The following VCPKMT variants were observed in gnomAD, a reference collection of about 807,000 sequenced individuals.
The protein encoded by VCPKMT is valosin containing protein lysine methyltransferase, also known as protein N-lysine methyltransferase METTL21D.
A neutral mutation model predicts 28.6 loss-of-function variants in VCPKMT; 32 were observed. The ratio of observed to expected loss-of-function variants is 1.12; its 90% CI spans 0.84 to 1.50. The LOEUF (loss-of-function observed/expected upper bound fraction) is 1.50. Among genes scored for constraint, VCPKMT ranks in the 40% most tolerant of loss-of-function variants. The pLI, the probability that VCPKMT is intolerant of heterozygous loss-of-function variation, is 0.00. For missense variants in VCPKMT, 366 were observed against 285.0 expected, an observed-to-expected ratio of 1.28 and a Z score of -2.05; for synonymous variants, 138 against 111.4, an observed-to-expected ratio of 1.24 and a Z score of -1.50.
intron 4 of VCPKMT, chr14:50,113,591 T>C (rs1882855708): frequency 1.6e-5 from 2 of 127,528 alleles, no homozygotes; most frequent in Admixed American, 1.8e-4. Context: ...TTCTAACTAT[T>C]TCAGACAAAA....
intron 5 of VCPKMT, among the ~76,000 whole-genome samples, chr14:50,110,747 C>T (rs559447377): frequency 1.3e-5 from 2 of 152,290 alleles, no homozygotes; most frequent in Non-Finnish European, 2.9e-5. Flanking sequence ...GATGAACGTC[C>T]ATAGCAGCAT....
intron 5 of VCPKMT, 70 bp downstream of exon 5, chr14:50,112,545 C>G: frequency 1.0e-6 from 1 of 979,508 alleles, no homozygotes; most frequent in South Asian, 1.4e-5. Flanking sequence ...CCATACCACA[C>G]ATATGCCCTG....
chr14:50,114,145 G>T, intron 4 of VCPKMT, 140 bp downstream of exon 4: 1 of 740,356 alleles, frequency 1.4e-6, no homozygotes, highest in Non-Finnish European at 2.0e-6. Flanking sequence ...GTAGAATCAT[G>T]GGCTGTGAAG....
rs1241666481 is a variant in VCPKMT at position 50,109,001 on chromosome 14, T to G, written c.*698A>C. ...TCTCACTCCATGCTCAAATGAAAAA[T>G]CTGTAAAGATATCTTTTGTTCCTCC... is the stretch of plus-strand genomic sequence containing the variant. On this transcript the variant is annotated 3_prime_UTR_variant, in exon 6 of 6. Coordinates refer to ENST00000395860, the MANE Select transcript of VCPKMT (RefSeq NM_024558.3). 3.0e-6 allele frequency: 3 copies of G among 985,306 alleles called. No homozygotes were observed. The highest frequency in any genetic ancestry group is 1.2e-4 in the Admixed American group (2 of 16,256). 61.0% of individuals were successfully genotyped at this position (985,306 alleles called of 1,614,324 possible).
Position 50,109,696 on chromosome 14 carries a change from G to T in VCPKMT, c.*3C>A. The T allele has an allele frequency of 1.2e-6, 2 of 1,602,010 alleles. No individual in the cohort carries two copies. Among genetic ancestry groups the T allele is most frequent in the Non-Finnish European group, 8.5e-7 (1 of 1,174,620 alleles). ...AGAGCCTTGGGTAAGATGATTAAAG[G>T]CTTCACGATGGAAATTTCTATAACA... On this transcript the variant is annotated 3_prime_UTR_variant, in exon 6 of 6. Coordinates refer to ENST00000395860, the MANE Select transcript of VCPKMT (RefSeq NM_024558.3).
chr14:50,102,758 T>C, the VCPKMT span, among the ~76,000 whole-genome samples: 13 of 152,358 alleles, frequency 8.5e-5, no homozygotes, highest in African/African-American at 2.2e-4. Flanking sequence ...GGAAGAAATA[T>C]CCTTGTTTTC....
chr14:50,105,590 C>T (rs1242218811), downstream of VCPKMT, among the ~76,000 whole-genome samples: 1 of 152,170 alleles, frequency 6.6e-6, no homozygotes, highest in Non-Finnish European at 1.5e-5. Context: ...AAGATCACAC[C>T]ATTGCACTCC....
At chr14:50,111,881 C>T (rs749899911) in intron 5 of VCPKMT, 5 of 976,394 alleles carry the variant, frequency 5.1e-6, no homozygotes, top group Non-Finnish European at 4.9e-6. Flanking sequence ...AGAGTGAGAC[C>T]CTATTTCAAA....
intron 5 of VCPKMT, 74 bp downstream of exon 5, chr14:50,112,541 C>T (rs1224842704): frequency 6.4e-6 from 6 of 938,736 alleles, no homozygotes; most frequent in Non-Finnish European, 9.8e-6. Context: ...ACGCCCATAC[C>T]ACACATATGC....
intron 5 of VCPKMT, chr14:50,111,298 A>G (rs912056781): frequency 6.1e-6 from 6 of 985,110 alleles, no homozygotes; most frequent in African/African-American, 1.8e-5. Context: ...TTAAAGCACA[A>G]AACAGTTTTT....
chr14:50,111,035 G>T, intron 5 of VCPKMT: 2 of 440,588 alleles, frequency 4.5e-6, no homozygotes, highest in Non-Finnish European at 3.0e-6. Flanking sequence ...AGGCTTCTCT[G>T]GGGGGTGAAA....
chr14:50,106,582 T>C (rs1028619101), downstream of VCPKMT: 11 of 985,334 alleles, frequency 1.1e-5, no homozygotes, highest in African/African-American at 1.9e-4. Flanking sequence ...AGTTCCCACA[T>C]CACTCCTCTA....
chr14:50,108,744 A>C lies in VCPKMT; in HGVS notation c.*955T>G. 3 of 985,862 alleles carry C rather than the reference A, an allele frequency of 3.0e-6. No individual in the cohort carries two copies. The highest frequency in any genetic ancestry group is 3.6e-6 in the Non-Finnish European group (3 of 829,934). 61.1% of individuals were successfully genotyped at this position (985,862 alleles called of 1,614,324 possible). A position where few individuals can be genotyped will look rare whatever the true frequency, so the allele number is the denominator to read the frequency against. On this transcript the variant is annotated 3_prime_UTR_variant, in exon 6 of 6. Transcript: ENST00000395860. Reference sequence around the variant, plus strand: ...CTACTCTTTGGAACAAGTATGATTAAAGTCCTTGACAGATTATTGTATATG... The same window carrying C: ...CTACTCTTTGGAACAAGTATGATTACAGTCCTTGACAGATTATTGTATATG...
rs2207860 is a variant in VCPKMT, at chr14:50,109,443, C to G, written c.*256G>C. 5.8e-3 allele frequency: 6,967 copies of G among 1,202,540 alleles called. 282 individuals are homozygous for G. In the African/African-American group the frequency reaches 0.09, roughly 16 times the overall value. The allele number at this position is 1,202,540 out of a possible 1,614,324, so 74.5% of individuals were successfully genotyped here. A position where few individuals can be genotyped will look rare whatever the true frequency, so the allele number is the denominator to read the frequency against. On this transcript the variant is annotated 3_prime_UTR_variant, in exon 6 of 6. Coordinates refer to ENST00000395860, the MANE Select transcript of VCPKMT (RefSeq NM_024558.3). ...CAATTTTTATTTGAATAACTGATTC[C>G]CAACATTTAAGAAGAACTTGATGCT...
downstream of VCPKMT, among the ~76,000 whole-genome samples, chr14:50,103,890 C>T (rs1478624481): frequency 6.6e-6 from 1 of 152,128 alleles, no homozygotes; most frequent in Admixed American, 6.5e-5. Flanking sequence ...TCCAAGTGCC[C>T]ACCTGTAATT....
At chr14:50,106,610 C>T (rs1337327565), downstream of VCPKMT, 49 of 985,336 alleles carry the variant, frequency 5.0e-5, no homozygotes, top group South Asian at 5.6e-4. Flanking sequence ...CTCCATGCTT[C>T]GGAATCTGCT....
At chr14:50,106,239 C>T (rs779833937), downstream of VCPKMT, among the ~76,000 whole-genome samples, 6 of 152,182 alleles carry the variant, frequency 3.9e-5, no homozygotes, top group Non-Finnish European at 8.8e-5. Flanking sequence ...TAATTTTCCA[C>T]GTGCAGCCTG....
chr14:50,107,715 C>T (rs145830307), downstream of VCPKMT, among the ~76,000 whole-genome samples: 8 of 152,142 alleles, frequency 5.3e-5, no homozygotes, highest in African/African-American at 1.7e-4. Flanking sequence ...TGGGAATAGC[C>T]GAACAGGAAG....
intron 3 of VCPKMT, among the ~76,000 whole-genome samples, chr14:50,115,410 C>A (rs1239931469): frequency 6.6e-6 from 1 of 152,156 alleles, no homozygotes; most frequent in African/African-American, 2.4e-5. Context: ...CCTTGACCTC[C>A]CAAGTGTTGG....
Sources: allele counts gnomAD v4.1 joint callset (sites outside exome capture counted in the v4.1 genomes callset), GRCh38; gene constraint gnomAD v4.1.1; transcripts MANE v1.5; gene names NCBI Gene and HGNC (gene_info 2026-07-23, HGNC 2026-07-21).